AGAP1: variants seen among roughly 807,000 people sequenced by gnomAD.
AGAP1 encodes the protein arf-GAP with GTPase, ANK repeat and PH domain-containing protein 1.
In AGAP1, 29 loss-of-function variants were observed where a neutral mutation model predicts 105.3. The ratio of observed to expected loss-of-function variants is 0.28; its 90% CI spans 0.21 to 0.38. The LOEUF is 0.38. Ranked by LOEUF, AGAP1 falls within the 10% of genes least tolerant of loss-of-function variation. AGAP1 has a pLI of 1.00. For synonymous variants in AGAP1, 509 were observed against 485.9 expected (o/e 1.05, Z -0.63); for missense variants, 998 against 1,165.1 (o/e 0.86, Z 2.09).
intron 9 of AGAP1, among the ~76,000 whole-genome samples, chr2:235,841,364 C>T (rs1040998819): frequency 2.0e-5 from 3 of 152,198 alleles, no homozygotes; most frequent in African/African-American, 7.2e-5. Flanking sequence ...GATGCGGTGG[C>T]TCACGACTAA....
At chr2:235,885,055 G>T (rs1179232850) in intron 10 of AGAP1, among the ~76,000 whole-genome samples, 2 of 152,130 alleles carry the variant, frequency 1.3e-5, no homozygotes, top group Non-Finnish European at 1.5e-5. Flanking sequence ...TTGTAAAATG[G>T]CACAGTTATT....
In AGAP1 at chr2:235,574,888, C is replaced by T. The variant is rs907837377; in HGVS notation, c.163+80039C>T. ...GTGTAATTCTAGCACTTAGGGAGGC[C>T]GAGGCAAATGGATCACTTGAGCTCA... On this transcript the variant is annotated intron_variant, in intron 1 of 17. Coordinates refer to ENST00000304032, the MANE Select transcript of AGAP1 (RefSeq NM_001037131.3). The surrounding 1 kb of genome is among the most constrained non-coding windows in gnomAD (Gnocchi z 5.0). Among the ~76,000 whole-genome samples, 8 of 152,070 alleles carry T rather than the reference C, an allele frequency of 5.3e-5. No individual in the cohort carries two copies. Among genetic ancestry groups the T allele is most frequent in the African/African-American group, 1.7e-4 (7 of 41,396 alleles).
chr2:235,595,849 C>G (rs73996185), intron 1 of AGAP1, among the ~76,000 whole-genome samples: 3,235 of 152,298 alleles, frequency 0.021, 108 homozygotes, highest in African/African-American at 0.071. Flanking sequence ...TATACGTTTA[C>G]TTGCCTTGCT....
rs944971390 is a variant in AGAP1, at chr2:235,845,387, G to C, written c.1051-37958G>C. Among the ~76,000 whole-genome samples, 7 of 152,076 alleles carry C rather than the reference G, an allele frequency of 4.6e-5. No individual in the cohort carries two copies. The highest frequency in any genetic ancestry group is 1.4e-4 in the African/African-American group (6 of 41,414). ...GGCTTCTGGGAGTGCAGATTTTGCA[G>C]ACATGGAAGCAGAAAATCATATGAT... On this transcript the variant is annotated intron_variant, in intron 9 of 17. Transcript: ENST00000304032. The surrounding 1 kb of genome is among the most constrained non-coding windows in gnomAD (Gnocchi z 4.8).
At chr2:235,923,436 G>T (rs1055339902) in intron 11 of AGAP1, among the ~76,000 whole-genome samples, 1 of 152,112 alleles carries the variant, frequency 6.6e-6, no homozygotes, top group Admixed American at 6.5e-5. Flanking sequence ...TCATAGCCAC[G>T]TTTACAGGGG....
Position 235,720,676 on chromosome 2 carries a change from C to T in AGAP1, c.310+3032C>T. ...AGTTCCTTGGATTCTCCCTGCGCTTCTTAATGTCTGTGCCCTGTTCTTCTG... is the reference window on the plus strand; with the variant it reads ...AGTTCCTTGGATTCTCCCTGCGCTTTTTAATGTCTGTGCCCTGTTCTTCTG... On this transcript the variant is annotated intron_variant, in intron 3 of 17. Coordinates refer to ENST00000304032, the MANE Select transcript of AGAP1 (RefSeq NM_001037131.3). This position sits in a 1 kb window ranked among gnomAD's most constrained non-coding sequence, Gnocchi z 5.0. 1 of 985,420 alleles carries T rather than the reference C, an allele frequency of 1.0e-6. No individual in the cohort carries two copies. The highest frequency in any genetic ancestry group is 1.2e-6 in the Non-Finnish European group (1 of 829,924). The allele number at this position is 985,420 out of a possible 1,614,324, so 61.0% of individuals were successfully genotyped here. A position where few individuals can be genotyped will look rare whatever the true frequency, so the allele number is the denominator to read the frequency against.
At chr2:235,624,347 G>A (rs918926595) in intron 1 of AGAP1, among the ~76,000 whole-genome samples, 8 of 152,150 alleles carry the variant, frequency 5.3e-5, no homozygotes, top group African/African-American at 1.9e-4. Flanking sequence ...TTTCCCATCT[G>A]GATCTCTTTC....
At position 236,002,193 on chromosome 2, in the gene AGAP1, T is replaced by C. The variant is rs964481803; in HGVS notation, c.1645+33570T>C. ...CTGAGTCATTCATTCAGCAGACTCG[T>C]TGAGAACATGTGTGGTAGGCACGTG... On this transcript the variant is annotated intron_variant, in intron 13 of 17. Transcript: ENST00000304032. The surrounding 1 kb of genome is among the most constrained non-coding windows in gnomAD (Gnocchi z 4.3). Among the ~76,000 whole-genome samples the C allele has an allele frequency of 5.3e-5, 8 of 152,206 alleles. No individual in the cohort carries two copies. The highest frequency in any genetic ancestry group is 1.4e-4 in the African/African-American group (6 of 41,450).
In AGAP1 at chr2:235,691,910, C is replaced by T. The variant is rs1949751414; in HGVS notation, c.164-17269C>T. Among the ~76,000 whole-genome samples, 1 of 152,108 alleles carries T rather than the reference C, an allele frequency of 6.6e-6. No homozygotes were observed. On this transcript the variant is annotated intron_variant, in intron 1 of 17. Transcript: ENST00000304032. The surrounding 1 kb of genome is among the most constrained non-coding windows in gnomAD (Gnocchi z 4.4). ...AAGGCAGGGATGCAAAATCGGAGTTCCTAGTAGAAACAGACATGCAGCATA... is the reference window on the plus strand; with the variant it reads ...AAGGCAGGGATGCAAAATCGGAGTTTCTAGTAGAAACAGACATGCAGCATA...
At chr2:235,862,196 G>A (rs2048955159) in intron 9 of AGAP1, among the ~76,000 whole-genome samples, 1 of 151,810 alleles carries the variant, frequency 6.6e-6, no homozygotes, top group Admixed American at 6.5e-5. Flanking sequence ...CCGGGACCAT[G>A]ACTCTGATTC....
At chr2:235,917,597 T>C (rs1323863773) in intron 11 of AGAP1, among the ~76,000 whole-genome samples, 1 of 152,026 alleles carries the variant, frequency 6.6e-6, no homozygotes, top group African/African-American at 2.4e-5. Context: ...GAGAGCTTGA[T>C]TAACGTGGTG....
chr2:235,674,024 C>T (rs2149371238), intron 1 of AGAP1, among the ~76,000 whole-genome samples: 1 of 152,200 alleles, frequency 6.6e-6, no homozygotes, highest in East Asian at 1.9e-4. Flanking sequence ...ATACGTGTAC[C>T]TTTGGTTTGC....
intron 1 of AGAP1, among the ~76,000 whole-genome samples, chr2:235,703,521 C>G (rs1950360844): frequency 2.0e-5 from 3 of 152,006 alleles, no homozygotes; most frequent in South Asian, 4.2e-4. Context: ...CTTACAGAAG[C>G]CTTAGGAAAG....
chr2:236,071,355 C>T (rs1056419373), intron 16 of AGAP1, among the ~76,000 whole-genome samples: 1 of 152,134 alleles, frequency 6.6e-6, no homozygotes, highest in African/African-American at 2.4e-5. Context: ...CTGAGCACCT[C>T]GGTGGTCCCA....
chr2:235,509,966 A>G (rs1267271424), intron 1 of AGAP1, among the ~76,000 whole-genome samples: 1 of 151,924 alleles, frequency 6.6e-6, no homozygotes, highest in East Asian at 1.9e-4. Flanking sequence ...AAGCGCACAA[A>G]CCCTGCTGTG....
At chr2:235,857,831 C>G (rs144045823) in intron 9 of AGAP1, among the ~76,000 whole-genome samples, 4 of 152,292 alleles carry the variant, frequency 2.6e-5, no homozygotes, top group African/African-American at 9.6e-5. Context: ...AAAGAGTTTT[C>G]CAGTAAAAGC....
rs1946268653 is a variant in AGAP1 at position 235,615,194 on chromosome 2, C to T, written c.164-93985C>T. 6.6e-6 allele frequency among the ~76,000 whole-genome samples: 1 copy of T among 152,222 alleles called. No homozygotes were observed. The highest frequency in any genetic ancestry group is 1.5e-5 in the Non-Finnish European group (1 of 68,046). On this transcript the variant is annotated intron_variant, in intron 1 of 17. Transcript: ENST00000304032. This position sits in a 1 kb window ranked among gnomAD's most constrained non-coding sequence, Gnocchi z 5.0. ...TGGGTGTTGTCACTTCCACTGCCAG[C>T]CAGCTTGCACGGTCCAGGGACGTCC...
At chr2:235,968,699 T>C in intron 13 of AGAP1, 76 bp downstream of exon 13, 1 of 1,419,812 alleles carries the variant, frequency 7.0e-7, no homozygotes, top group Non-Finnish European at 9.7e-7. Context: ...TGCGTGAAAT[T>C]AGACACCCTT....
intron 13 of AGAP1, among the ~76,000 whole-genome samples, chr2:236,029,065 G>A (rs898906001): frequency 6.6e-6 from 1 of 152,054 alleles, no homozygotes; most frequent in African/African-American, 2.4e-5. Context: ...AGCAGTACAA[G>A]GCCCTATGAC....
Sources: gnomAD v4.1 joint callset for allele counts (sites outside exome capture counted in the v4.1 genomes callset) on GRCh38, gnomAD v4.1.1 for gene constraint, Gnocchi (gnomAD v3.1) non-coding constraint, MANE v1.5 for transcripts, NCBI Gene and HGNC (gene_info 2026-07-23, HGNC 2026-07-21) for gene names.